The following SH3RF3 variants were observed in gnomAD, a reference collection of about 807,000 sequenced individuals.
The protein encoded by SH3RF3 is E3 ubiquitin-protein ligase SH3RF3.
Under a neutral mutation model 66.3 loss-of-function variants are expected in SH3RF3, and 29 were observed. The ratio of observed to expected loss-of-function variants is 0.44; its 90% CI spans 0.33 to 0.60. The LOEUF is 0.60. Among genes scored for constraint, SH3RF3 ranks in the 20% least tolerant of loss-of-function variants. The probability of loss-of-function intolerance (pLI) is 0.04; values close to 1 mark genes in which losing one functional copy is unlikely to be tolerated. For synonymous variants in SH3RF3, 583 were observed against 532.0 expected, an observed-to-expected ratio of 1.10 and a Z score of -1.32; for missense variants, 1,194 against 1,190.9, an observed-to-expected ratio of 1.00 and a Z score of -0.04.
chr2:109,419,101 C>A (rs575621298), intron 4 of SH3RF3, among the ~76,000 whole-genome samples: 1 of 152,360 alleles, frequency 6.6e-6, no homozygotes, highest in African/African-American at 2.4e-5. Flanking sequence ...TGTCTGCTGT[C>A]ATGGGACCAA....
intron 5 of SH3RF3, among the ~76,000 whole-genome samples, chr2:109,422,934 G>A (rs531550032): frequency 2.6e-5 from 4 of 152,238 alleles, no homozygotes; most frequent in Admixed American, 6.5e-5. Flanking sequence ...GGAGGAGGAC[G>A]AAACAGGCAT....
chr2:109,290,634 C>G (rs139412295), intron 1 of SH3RF3, among the ~76,000 whole-genome samples: 2 of 152,368 alleles, frequency 1.3e-5, no homozygotes, highest in East Asian at 3.9e-4. Context: ...ATTCCTCCAA[C>G]TCAGACGCCC....
At chr2:109,144,306 TTGTC>T (rs1225088277) in intron 1 of SH3RF3, among the ~76,000 whole-genome samples, 4 of 152,376 alleles carry the variant, frequency 2.6e-5, no homozygotes, top group East Asian at 3.9e-4. Flanking sequence ...CAATTTTTAT[TTGTC>T]TGTTATACCT....
chr2:109,253,776 T>C lies in SH3RF3; in HGVS notation c.574-93898T>C, dbSNP rs189066576. Among the ~76,000 whole-genome samples the C allele has an allele frequency of 4.2e-3, 640 of 152,326 alleles. 5 individuals carry two copies. The highest frequency in any genetic ancestry group is 8.1e-3 in the South Asian group (39 of 4,834). ...GACCATGATTTCTCTTTGATTTAGA[T>C]GCAAAGATTGCTATATAGGTTGACA... On this transcript the variant is annotated intron_variant, in intron 1 of 9. Coordinates refer to ENST00000309415, the MANE Select transcript of SH3RF3 (RefSeq NM_001099289.3).
At position 109,305,244 on chromosome 2, in the gene SH3RF3, C is replaced by A. The variant is rs1214041036; in HGVS notation, c.574-42430C>A. Among the ~76,000 whole-genome samples the A allele has an allele frequency of 2.0e-5, 3 of 152,266 alleles. No homozygotes were observed. In the South Asian group the frequency reaches 6.2e-4, roughly 32 times the overall value. ...GCTGGTTTTAACCTGCTGACGGTTT[C>A]CCCCTGGGAAGTTCAGTGATTCATT... On this transcript the variant is annotated intron_variant, in intron 1 of 9. Transcript: ENST00000309415.
chr2:109,411,831 C>T (rs1447446456), intron 4 of SH3RF3, among the ~76,000 whole-genome samples: 1 of 152,236 alleles, frequency 6.6e-6, no homozygotes, highest in Admixed American at 6.5e-5. Flanking sequence ...CTCTTCATTC[C>T]AGCTCTAAGT....
chr2:109,415,077 G>A (rs1040955495), intron 4 of SH3RF3, among the ~76,000 whole-genome samples: 1 of 152,226 alleles, frequency 6.6e-6, no homozygotes. Context: ...AGAGGAAGAC[G>A]TGGCACTGCT....
chr2:109,500,391 G>GCACACCC (rs1482962045), intron 9 of SH3RF3, among the ~76,000 whole-genome samples: 1 of 152,144 alleles, frequency 6.6e-6, no homozygotes, highest in Non-Finnish European at 1.5e-5. Context: ...CTGCCACGCA[G>GCACACCC]CACACCCCAT....
intron 1 of SH3RF3, among the ~76,000 whole-genome samples, chr2:109,296,116 G>C (rs956786250): frequency 1.3e-5 from 2 of 152,110 alleles, no homozygotes; most frequent in Admixed American, 6.5e-5. Flanking sequence ...TCCATTCACT[G>C]TTCTCTACGT....
chr2:109,432,571 C>T lies in SH3RF3; in HGVS notation c.1474C>T (p.Arg492Trp), dbSNP rs190867863. The change falls in exon 6 of 10, where the codon CGG becomes TGG. Residue 492 changes from arginine (R) to tryptophan (W), a missense_variant. Transcript: ENST00000309415. ...ELELHKGEMY[R>W]VLEKCQDGWF... Reference sequence around the variant, plus strand: ...GGAGCTGCACAAGGGAGAGATGTACCGGGTCCTCGAGAAGTGTCAGGATGG... The same window carrying T: ...GGAGCTGCACAAGGGAGAGATGTACTGGGTCCTCGAGAAGTGTCAGGATGG... The T allele has an allele frequency of 1.5e-5, 24 of 1,613,520 alleles. No homozygotes were observed. The highest frequency in any genetic ancestry group is 6.7e-5 in the East Asian group (3 of 44,854).
chr2:109,354,084 G>A lies in SH3RF3; in HGVS notation c.849+6135G>A, dbSNP rs561194753. On this transcript the variant is annotated intron_variant, in intron 2 of 9. Transcript: ENST00000309415. ...GTTCCATAAGTGCCCCACCATAGAT[G>A]GCAGTCGGCTGTCAGAGGCACAGTT... is the stretch of plus-strand genomic sequence containing the variant. Among the ~76,000 whole-genome samples, 5 of 152,360 alleles carry A rather than the reference G, an allele frequency of 3.3e-5. No individual in the cohort carries two copies. The South Asian group carries it at 6.2e-4, about 19-fold the overall frequency.
At chr2:109,467,143 A>G (rs1678373883) in intron 8 of SH3RF3, among the ~76,000 whole-genome samples, 1 of 152,242 alleles carries the variant, frequency 6.6e-6, no homozygotes, top group Non-Finnish European at 1.5e-5. Context: ...TTCCACTCCT[A>G]GGAGAAGCAG....
At chr2:109,483,422 C>G (rs753763271) in intron 8 of SH3RF3, among the ~76,000 whole-genome samples, 1 of 152,200 alleles carries the variant, frequency 6.6e-6, no homozygotes, top group East Asian at 1.9e-4. Flanking sequence ...CGTATGCTCT[C>G]GGTGCCCAGC....
chr2:109,398,878 A>G lies in SH3RF3; in HGVS notation c.1234A>G (p.Ser412Gly), dbSNP rs765935823. 6 of 1,613,818 alleles carry G rather than the reference A, an allele frequency of 3.7e-6. No homozygotes were observed. The highest frequency in any genetic ancestry group is 4.2e-6 in the Non-Finnish European group (5 of 1,179,876). ...EISAPVLISS[S>G]DPRAAARIGD... ...TAGTGCTCCAGTGTTGATCAGCTCCAGCGATCCCCGAGCCGCGGCCAGGAT... is the reference window on the plus strand; with the variant it reads ...TAGTGCTCCAGTGTTGATCAGCTCCGGCGATCCCCGAGCCGCGGCCAGGAT... Residue 412 changes from serine (S) to glycine (G), a missense_variant, in exon 4 of 10, where the codon AGC (serine) becomes GGC (glycine). By Grantham distance (56) the Ser-to-Gly change is moderately conservative. Coordinates refer to ENST00000309415, the MANE Select transcript of SH3RF3 (RefSeq NM_001099289.3).
intron 1 of SH3RF3, among the ~76,000 whole-genome samples, chr2:109,322,557 A>G (rs1230308290): frequency 6.6e-6 from 1 of 152,256 alleles, no homozygotes; most frequent in Admixed American, 6.5e-5. Flanking sequence ...AATAGTGTGC[A>G]CTGATTTTGA....
At chr2:109,317,937 G>A (rs886930476) in intron 1 of SH3RF3, among the ~76,000 whole-genome samples, 5 of 152,058 alleles carry the variant, frequency 3.3e-5, no homozygotes, top group Non-Finnish European at 7.4e-5. Context: ...GAGGGGACTC[G>A]CACAACTCTG....
At chr2:109,397,236 C>G (rs993592021) in intron 3 of SH3RF3, among the ~76,000 whole-genome samples, 2 of 152,198 alleles carry the variant, frequency 1.3e-5, no homozygotes, top group Admixed American at 6.5e-5. Flanking sequence ...TCCTCCTGCC[C>G]TGAGCTCTGT....
intron 4 of SH3RF3, among the ~76,000 whole-genome samples, chr2:109,406,999 C>T (rs1288242694): frequency 2.0e-5 from 3 of 152,194 alleles, no homozygotes; most frequent in Admixed American, 6.5e-5. Context: ...AAGGAAGAGA[C>T]GACACCTTTC....
At chr2:109,189,941 T>A (rs963095888) in intron 1 of SH3RF3, among the ~76,000 whole-genome samples, 2 of 152,200 alleles carry the variant, frequency 1.3e-5, no homozygotes, top group African/African-American at 4.8e-5. Context: ...TGAGGTTGGA[T>A]GCAAACTCTG....
Sources: allele counts gnomAD v4.1 joint callset (sites outside exome capture counted in the v4.1 genomes callset), GRCh38; gene constraint gnomAD v4.1.1; transcripts MANE v1.5; gene names NCBI Gene and HGNC (gene_info 2026-07-23, HGNC 2026-07-21).